AQR: variants seen among roughly 807,000 people sequenced by gnomAD.
AQR encodes the protein aquarius intron-binding spliceosomal factor, also known as RNA helicase aquarius.
AQR carries 61 observed loss-of-function variants against 180.5 expected under a neutral mutation model. That is an observed-to-expected ratio of 0.34 (90% CI 0.28 to 0.42). The LOEUF (loss-of-function observed/expected upper bound fraction) is 0.42. Among genes scored for constraint, AQR ranks in the 10% least tolerant of loss-of-function variants. The pLI, the probability that AQR is intolerant of heterozygous loss-of-function variation, is 1.00. For missense variants in AQR, 1,281 were observed against 1,798.3 expected (o/e 0.71, Z 5.20); for synonymous variants, 551 against 588.8 (o/e 0.94, Z 0.93).
intron 30 of AQR, among the ~76,000 whole-genome samples, chr15:34,873,221 A>AT (rs1892845657): frequency 6.6e-6 from 1 of 151,982 alleles, no homozygotes; most frequent in Non-Finnish European, 1.5e-5. Flanking sequence ...TTGCCCAATT[A>AT]TTTTTTTAGG....
At chr15:34,934,234 AT>A (rs1044118939) in intron 10 of AQR, among the ~76,000 whole-genome samples, 14 of 150,268 alleles carry the variant, frequency 9.3e-5, no homozygotes, top group Non-Finnish European at 1.8e-4. Context: ...TATTGTATTA[AT>A]TTTTTATTAA....
rs202192350 is a variant in AQR, at chr15:34,896,879, G to C, written c.2460+18C>G. On this transcript the variant is annotated intron_variant, in intron 22 of 34. Coordinates refer to ENST00000156471, the MANE Select transcript of AQR (RefSeq NM_014691.3). Reference sequence around the variant, plus strand: ...AACAAACAAACAAACAAACAAACAGGTGTAACAATTCTCTTACCATAGTCA... The same window carrying C: ...AACAAACAAACAAACAAACAAACAGCTGTAACAATTCTCTTACCATAGTCA... 3.6e-5 allele frequency: 57 copies of C among 1,584,602 alleles called. No homozygotes were observed. The African/African-American group carries it at 7.5e-4, about 21-fold the overall frequency.
chr15:34,872,898 A>G (rs1490841799), intron 30 of AQR, among the ~76,000 whole-genome samples: 2 of 152,032 alleles, frequency 1.3e-5, no homozygotes, highest in Non-Finnish European at 2.9e-5. Context: ...CCAACCAAAG[A>G]CTATATTTTG....
intron 30 of AQR, among the ~76,000 whole-genome samples, chr15:34,871,424 T>C (rs1422615601): frequency 1.3e-5 from 2 of 151,568 alleles, no homozygotes; most frequent in African/African-American, 4.9e-5. Flanking sequence ...GGGGGATCGC[T>C]TAAGCTTGGG....
chr15:34,875,467 C>A (rs2140463600), intron 28 of AQR, among the ~76,000 whole-genome samples: 1 of 152,190 alleles, frequency 6.6e-6, no homozygotes, highest in Admixed American at 6.5e-5. Flanking sequence ...GGGAATTCCA[C>A]ATTTTGTTTT....
At chr15:34,874,080 T>A in intron 29 of AQR, 81 bp from the exon 30 acceptor site, 1 of 1,298,084 alleles carries the variant, frequency 7.7e-7, no homozygotes, top group Non-Finnish European at 1.0e-6. Context: ...GAGGTTTCTG[T>A]TTCTGTGCTT....
chr15:34,938,188 T>TA (rs1320637670), intron 9 of AQR, among the ~76,000 whole-genome samples: 7 of 152,222 alleles, frequency 4.6e-5, no homozygotes, highest in African/African-American at 1.4e-4. Flanking sequence ...AATTAGGTGA[T>TA]AAAAAATTTG....
intron 27 of AQR, among the ~76,000 whole-genome samples, chr15:34,880,726 G>A (rs901067421): frequency 3.3e-5 from 5 of 152,120 alleles, no homozygotes; most frequent in African/African-American, 7.2e-5. Flanking sequence ...AAAGGTGCAC[G>A]CACACATGCA....
At chr15:34,911,835 C>G (rs1893504246) in intron 16 of AQR, among the ~76,000 whole-genome samples, 1 of 152,022 alleles carries the variant, frequency 6.6e-6, no homozygotes, top group African/African-American at 2.4e-5. Context: ...GTTCTCCATG[C>G]TTTTGGTATC....
At chr15:34,881,309 C>G (rs944642370) in intron 27 of AQR, among the ~76,000 whole-genome samples, 1 of 152,146 alleles carries the variant, frequency 6.6e-6, no homozygotes, top group South Asian at 2.1e-4. Flanking sequence ...AGCTGAGGAA[C>G]CTTGCATCCA....
At chr15:34,898,526 G>A (rs768108042) in intron 20 of AQR, among the ~76,000 whole-genome samples, 8 of 152,140 alleles carry the variant, frequency 5.3e-5, no homozygotes, top group Non-Finnish European at 1.0e-4. Flanking sequence ...AGACAGGGAG[G>A]AAAGATTTTG....
intron 19 of AQR, among the ~76,000 whole-genome samples, chr15:34,903,360 G>A (rs547370597): frequency 1.3e-5 from 2 of 152,062 alleles, no homozygotes; most frequent in African/African-American, 2.4e-5. Context: ...TCAAATCAAG[G>A]TATACTTCAC....
At chr15:34,961,087 ATT>A (rs2050273388) in intron 2 of AQR, among the ~76,000 whole-genome samples, 1 of 152,216 alleles carries the variant, frequency 6.6e-6, no homozygotes. Context: ...GAAAATAAAA[ATT>A]CACAAGATCA....
At chr15:34,963,145 AT>A (rs1029359900) in intron 2 of AQR, among the ~76,000 whole-genome samples, 39 of 151,328 alleles carry the variant, frequency 2.6e-4, no homozygotes, top group African/African-American at 9.0e-4. Context: ...GCACAAGCCA[AT>A]TTTTTTAATT....
Position 34,904,392 on chromosome 15 carries a change from C to A in AQR, c.1945G>T (p.Val649Leu). 6.2e-7 allele frequency: 1 copy of A among 1,609,248 alleles called. No individual in the cohort carries two copies. Among genetic ancestry groups the A allele is most frequent in the East Asian group, 2.2e-5 (1 of 44,658 alleles). The change falls in exon 19 of 35, where the codon GTG (valine) becomes TTG (leucine). Residue 649 changes from valine (V) to leucine (L), a missense_variant. Val to Leu is a conservative substitution (Grantham distance 32, BLOSUM62 1). Around this residue, in one of 9 missense-constraint regions of AQR, gnomAD observed 200 missense variants for 293.4 expected, o/e 0.68. Transcript: ENST00000156471. The stretch of plus-strand genomic sequence containing the variant: ...ATTATTATATTAAAAGTTTCATACA[C>A]ATCCTCTGCTCCATTTTGTATAGTA... ...TNTIQNGAED[V>L]YETFNIIMRR...
chr15:34,931,809 T>C (rs1472931415), intron 11 of AQR, among the ~76,000 whole-genome samples: 1 of 152,110 alleles, frequency 6.6e-6, no homozygotes. Context: ...GCGAACTGTG[T>C]CTCCATAAAC....
At chr15:34,933,700 G>A (rs1167272104) in intron 10 of AQR, among the ~76,000 whole-genome samples, 1 of 152,200 alleles carries the variant, frequency 6.6e-6, no homozygotes, top group Non-Finnish European at 1.5e-5. Flanking sequence ...ACAAACAACA[G>A]CCCATGATAG....
rs373600200 is a variant in AQR at position 34,867,641 on chromosome 15, T to C, written c.3769-32A>G. 1.2e-4 allele frequency: 185 copies of C among 1,525,874 alleles called. 1 individual carries two copies. The African/African-American group carries it at 2.0e-3, about 17-fold the overall frequency. The allele number at this position is 1,525,874 out of a possible 1,614,324, so 94.5% of individuals were successfully genotyped here. On this transcript the variant is annotated intron_variant, in intron 31 of 34. Coordinates refer to ENST00000156471, the MANE Select transcript of AQR (RefSeq NM_014691.3). ...ATAAAAAATGGAAAATATGGTGCAT[T>C]TGCAAAAGCCAAAAGACACTAGAGA...
chr15:34,927,517 A>G (rs1404347656), intron 12 of AQR, among the ~76,000 whole-genome samples: 2 of 152,250 alleles, frequency 1.3e-5, no homozygotes, highest in African/African-American at 4.8e-5. Context: ...CTGGCTGCAG[A>G]GAACTTGGAA....
Sources: allele counts gnomAD v4.1 joint callset (sites outside exome capture counted in the v4.1 genomes callset), GRCh38; gene constraint gnomAD v4.1.1; regional missense constraint gnomAD v4.1.1; transcripts MANE v1.5; gene names NCBI Gene and HGNC (gene_info 2026-07-23, HGNC 2026-07-21).